The following CCNI variants were observed in gnomAD, a reference collection of about 807,000 sequenced individuals.
The protein encoded by CCNI is cyclin-I.
A neutral mutation model predicts 34.1 loss-of-function variants in CCNI; 14 were observed. The ratio of observed to expected loss-of-function variants is 0.41; its 90% CI spans 0.27 to 0.64. The LOEUF is 0.64. Ranked by LOEUF, CCNI falls within the 30% of genes least tolerant of loss-of-function variation. The pLI, the probability that CCNI is intolerant of heterozygous loss-of-function variation, is 0.31. For missense variants in CCNI, 385 were observed against 440.5 expected, an observed-to-expected ratio of 0.87 and a Z score of 1.13; for synonymous variants, 154 against 158.4, an observed-to-expected ratio of 0.97 and a Z score of 0.21.
In CCNI at chr4:77,055,255, C is replaced by A. The variant is rs1242184055; in HGVS notation, c.585G>T (p.Leu195=). 1.2e-6 allele frequency: 2 copies of A among 1,613,932 alleles called. No homozygotes were observed. The highest frequency in any genetic ancestry group is 2.7e-5 in the African/African-American group (2 of 74,922). Residue 195 remains leucine, a synonymous_variant, in exon 6 of 7, where the codon CTG becomes CTT. Transcript: ENST00000237654. ...LLHCMACNQL[L]QFRGSMLALA... is the part of the protein sequence containing the mutation. ...GAGCAAGCATGGATCCTCTGAATTG[C>A]AGAAGTTGGTTGCAGGCCATACAGT...
intron 3 of CCNI, among the ~76,000 whole-genome samples, chr4:77,057,181 ATCTAACCTAC>A (rs900022768): frequency 6.6e-6 from 1 of 151,168 alleles, no homozygotes; most frequent in African/African-American, 2.4e-5. Flanking sequence ...TCTCTACTAC[ATCTAACCTAC>A]TTTTCACAGA....
intron 2 of CCNI, among the ~76,000 whole-genome samples, chr4:77,059,637 C>T (rs772865488): frequency 3.7e-4 from 56 of 151,952 alleles, no homozygotes; most frequent in Admixed American, 7.9e-4. Flanking sequence ...AATGGGCTAT[C>T]ATTCTGTTAT....
rs1227076125 is a variant in CCNI at position 77,075,494 on chromosome 4, T to C, written c.-66A>G. ...CACCTTCTCCTCCTCTTCCTCCTCCTCCTCCTCCCCGGCAGAGCTGTAGGC... is the reference window on the plus strand; with the variant it reads ...CACCTTCTCCTCCTCTTCCTCCTCCCCCTCCTCCCCGGCAGAGCTGTAGGC... On this transcript the variant is annotated 5_prime_UTR_variant, in exon 1 of 7. Transcript: ENST00000237654. 1.1e-6 allele frequency: 1 copy of C among 942,934 alleles called. No homozygotes were observed. Among genetic ancestry groups the C allele is most frequent in the Non-Finnish European group, 1.3e-6 (1 of 789,572 alleles). 58.4% of individuals were successfully genotyped at this position (942,934 alleles called of 1,614,324 possible). A position where few individuals can be genotyped will look rare whatever the true frequency, so the allele number is the denominator to read the frequency against.
At chr4:77,074,683 C>T (rs1303840068) in intron 1 of CCNI, 4 of 152,222 alleles carry the variant, frequency 2.6e-5, no homozygotes, top group African/African-American at 4.8e-5. Context: ...TGTTATTTAA[C>T]GTCATTACTG....
rs1020214873 is a variant in CCNI at position 77,075,474 on chromosome 4, TCTC to T, written c.-49_-47del. 15 of 539,680 alleles carry T rather than the reference TCTC, an allele frequency of 2.8e-5. No homozygotes were observed. The highest frequency in any genetic ancestry group is 6.3e-5 in the African/African-American group (3 of 47,776). The allele number at this position is 539,680 out of a possible 1,614,324, so 33.4% of individuals were successfully genotyped here. On this transcript the variant is annotated 5_prime_UTR_variant, in exon 1 of 7. Coordinates refer to ENST00000237654, the MANE Select transcript of CCNI (RefSeq NM_006835.3). ...CCGCCCCCGCCCCCGCCCCTCACCT[TCTC>T]CTCCTCTTCCTCCTCCTCCTCCTCC... is the stretch of plus-strand genomic sequence containing the variant.
intron 6 of CCNI, among the ~76,000 whole-genome samples, chr4:77,052,872 G>A (rs1166677127): frequency 1.3e-5 from 2 of 152,168 alleles, no homozygotes; most frequent in African/African-American, 2.4e-5. Context: ...GACCACATGG[G>A]TTGGTGTTAG....
intron 1 of CCNI, among the ~76,000 whole-genome samples, chr4:77,072,569 T>C (rs950854814): frequency 6.7e-6 from 1 of 148,696 alleles, no homozygotes; most frequent in African/African-American, 2.5e-5. Flanking sequence ...CCCAGGAGCT[T>C]GAGGCTGCAG....
chr4:77,052,453 A>G (rs1727930336), intron 6 of CCNI, among the ~76,000 whole-genome samples: 1 of 152,132 alleles, frequency 6.6e-6, no homozygotes, highest in Admixed American at 6.5e-5. Flanking sequence ...GCCATCCCAG[A>G]ATGGTGACCA....
chr4:77,069,650 T>C (rs894961057), intron 1 of CCNI, among the ~76,000 whole-genome samples: 11 of 129,320 alleles, frequency 8.5e-5, no homozygotes, highest in Admixed American at 5.8e-4. Context: ...CCAAGTGTCC[T>C]CATTTTTTTT....
intron 5 of CCNI, 98 bp from the exon 6 acceptor site, chr4:77,055,478 TTTG>T (rs1224386244): frequency 1.2e-6 from 1 of 859,968 alleles, no homozygotes; most frequent in African/African-American, 1.7e-5. Context: ...TTTTTTTTTT[TTTG>T]AGACAGAGTC....
Position 77,060,569 on chromosome 4 carries a change from C to CACCT in CCNI, c.115-1938_115-1935dup, listed in dbSNP as rs570720282. 1.3e-4 allele frequency among the ~76,000 whole-genome samples: 20 copies of CACCT among 152,002 alleles called. 2 individuals are homozygous for CACCT. In the South Asian group the frequency reaches 4.2e-3, roughly 32 times the overall value. On this transcript the variant is annotated intron_variant, in intron 2 of 6. Coordinates refer to ENST00000237654, the MANE Select transcript of CCNI (RefSeq NM_006835.3). ...ACCTCCCAGCCCCAAGTGATCCTCC[C>CACCT]ACCTCAGCATCCTGAAGTAGCTAGG...
At chr4:77,071,505 G>A (rs1187031194) in intron 1 of CCNI, among the ~76,000 whole-genome samples, 1 of 152,140 alleles carries the variant, frequency 6.6e-6, no homozygotes, top group East Asian at 1.9e-4. Flanking sequence ...CTAAATATTA[G>A]AATGGAAATT....
rs767560382 is a variant in CCNI at position 77,055,247 on chromosome 4, C to G, written c.593G>C (p.Arg198Thr). The change falls in exon 6 of 7, where the codon AGA becomes ACA. Residue 198 changes from arginine (R) to threonine (T), a missense_variant. Arg to Thr is a moderately conservative substitution (Grantham distance 71). Transcript: ENST00000237654. ...CATGGCCAGAGCAAGCATGGATCCT[C>G]TGAATTGCAGAAGTTGGTTGCAGGC... is the stretch of plus-strand genomic sequence containing the variant. ...CMACNQLLQFRGSMLALAMVS... is the reference protein window; with the variant it reads ...CMACNQLLQFTGSMLALAMVS... 4.5e-5 allele frequency: 73 copies of G among 1,613,990 alleles called. No homozygotes were observed. The South Asian group carries it at 7.8e-4, about 17-fold the overall frequency.
rs1165517850 is a variant in CCNI, at chr4:77,075,545, C to G, written c.-117G>C. On this transcript the variant is annotated 5_prime_UTR_variant, in exon 1 of 7. Coordinates refer to ENST00000237654, the MANE Select transcript of CCNI (RefSeq NM_006835.3). ...CTCACAGTGGTGACGCGGGGTCATC[C>G]GGGGGCCCGTTACCACCTCATTCTC... The G allele has an allele frequency of 4.0e-6, 4 of 988,552 alleles. No homozygotes were observed. The highest frequency in any genetic ancestry group is 3.6e-6 in the Non-Finnish European group (3 of 830,710). 61.2% of individuals were successfully genotyped at this position (988,552 alleles called of 1,614,324 possible). A position where few individuals can be genotyped will look rare whatever the true frequency, so the allele number is the denominator to read the frequency against.
intron 2 of CCNI, among the ~76,000 whole-genome samples, chr4:77,064,153 G>A (rs4252835): frequency 1.3e-5 from 2 of 151,546 alleles, no homozygotes; most frequent in African/African-American, 4.9e-5. Context: ...TGAGGCAAGA[G>A]AATCACTTGA....
chr4:77,074,593 T>C (rs931036113), intron 1 of CCNI, among the ~76,000 whole-genome samples: 2 of 152,280 alleles, frequency 1.3e-5, no homozygotes, highest in East Asian at 1.9e-4. Context: ...ATGAGGCTCC[T>C]ACTACCAGCC....
chr4:77,056,216 C>CG, intron 4 of CCNI, 33 bp downstream of exon 4: 1 of 1,597,068 alleles, frequency 6.3e-7, no homozygotes, highest in Non-Finnish European at 8.6e-7. Context: ...GAAATTTTCA[C>CG]GGAAGAAACA....
rs765312676 is a variant in CCNI, at chr4:77,048,281, A to G, written c.1072T>C (p.Leu358=). The change falls in exon 7 of 7, where the codon TTA becomes CTA. Residue 358 remains leucine, a synonymous_variant. Transcript: ENST00000237654. ...ENVGSVCGTD[L]SRQEGHASPC... is the part of the protein sequence containing the mutation. ...GAAGCATGTCCCTCTTGTCTTGATA[A>G]ATCAGTGCCACACACAGAACCCACA... 2 of 1,614,094 alleles carry G rather than the reference A, an allele frequency of 1.2e-6. No homozygotes were observed. The highest frequency in any genetic ancestry group is 2.2e-5 in the East Asian group (1 of 44,870).
rs929964022 is a variant in CCNI at position 77,075,515 on chromosome 4, T to C, written c.-87A>G. The C allele has an allele frequency of 1.0e-5, 10 of 988,244 alleles. No homozygotes were observed. The African/African-American group carries it at 1.7e-4, about 17-fold the overall frequency. 61.2% of individuals were successfully genotyped at this position (988,244 alleles called of 1,614,324 possible). The stretch of plus-strand genomic sequence containing the variant: ...CTCCTCCTCCTCCCCGGCAGAGCTG[T>C]AGGCCTCACAGTGGTGACGCGGGGT... On this transcript the variant is annotated 5_prime_UTR_variant, in exon 1 of 7. Transcript: ENST00000237654.
Sources: gnomAD v4.1 joint callset for allele counts (sites outside exome capture counted in the v4.1 genomes callset) on GRCh38, gnomAD v4.1.1 for gene constraint, MANE v1.5 for transcripts, NCBI Gene and HGNC (gene_info 2026-07-23, HGNC 2026-07-21) for gene names.